Variants in ARHGEF9 observed in about 807,000 individuals in gnomAD.
ARHGEF9 encodes Cdc42 guanine nucleotide exchange factor 9.
A neutral mutation model predicts 41.3 loss-of-function variants in ARHGEF9; 2 were observed. The observed-to-expected ratio is 0.05, with a 90% CI of 0.02 to 0.15. The LOEUF is 0.15. Ranked by LOEUF, ARHGEF9 falls within the 10% of genes least tolerant of loss-of-function variation. The probability of loss-of-function intolerance (pLI) is 1.00; values close to 1 mark genes in which losing one functional copy is unlikely to be tolerated. For synonymous variants in ARHGEF9, 160 were observed against 154.4 expected (o/e 1.04, Z -0.27); for missense variants, 225 against 424.7 (o/e 0.53, Z 4.13).
In ARHGEF9 at chrX:63,638,212, A is replaced by G. The variant is rs1556301472; in HGVS notation, c.1391-3T>C. 6.0e-6 allele frequency: 7 copies of G among 1,172,981 alleles called. No homozygotes were observed. The East Asian group carries it at 2.2e-4, about 37-fold the overall frequency. On this transcript the variant is annotated splice_polypyrimidine_tract_variant and splice_region_variant and intron_variant, in intron 9 of 9. Coordinates refer to ENST00000671741, the MANE Select transcript of ARHGEF9 (RefSeq NM_001353921.2). The stretch of plus-strand genomic sequence containing the variant: ...AACTGAGCGGGCAGAGTTGACACCT[A>G]GAGTAGATGAGAGATCAAAGGGAAA...
At chrX:63,723,205 C>T (rs1252845024) in intron 2 of ARHGEF9, among the ~76,000 whole-genome samples, 1 of 111,144 alleles carries the variant, frequency 9.0e-6, no homozygotes, top group Non-Finnish European at 1.9e-5. Flanking sequence ...TGCTAGACAC[C>T]TTATTGGCAT....
chrX:63,749,263 G>A (rs1490445898), intron 1 of ARHGEF9, among the ~76,000 whole-genome samples: 3 of 110,769 alleles, frequency 2.7e-5, no homozygotes, highest in Non-Finnish European at 5.7e-5. Flanking sequence ...ACGGACTCTC[G>A]CTCTGTCACC....
At chrX:63,695,489 T>G (rs1420296034) in intron 4 of ARHGEF9, among the ~76,000 whole-genome samples, 1 of 111,497 alleles carries the variant, frequency 9.0e-6, no homozygotes, top group Non-Finnish European at 1.9e-5. Context: ...TCTGTGAGAG[T>G]TTCTCTGGAA....
intron 2 of ARHGEF9, chrX:63,719,968 A>C (rs1356649670): frequency 3.4e-5 from 9 of 267,281 alleles, no homozygotes; most frequent in Non-Finnish European, 5.3e-5. Context: ...GAAGCTAAAA[A>C]GGAAGTTTCT....
At position 63,698,022 on chromosome X, in the gene ARHGEF9, T is replaced by A. The variant is rs375047015; in HGVS notation, c.403-718A>T. On this transcript the variant is annotated intron_variant, in intron 3 of 9. Transcript: ENST00000671741. ...ATCTGAGGTAGCTGGCCAGGAGTGA[T>A]CATTTAGATGAGCTCAGCCAACAAG... 5.5e-5 allele frequency among the ~76,000 whole-genome samples: 6 copies of A among 109,120 alleles called. No individual in the cohort carries two copies. In the East Asian group the frequency reaches 1.4e-3, roughly 26 times the overall value. 94.8% of individuals were successfully genotyped at this position (109,120 alleles called of 115,157 possible).
At chrX:63,670,315 T>C (rs1331707987) in intron 6 of ARHGEF9, 14 of 111,756 alleles carry the variant, frequency 1.3e-4, no homozygotes, top group Admixed American at 1.1e-3. Context: ...CAAGCCACTT[T>C]AGCTTTTAAG....
chrX:63,731,753 G>T (rs1230944197), intron 1 of ARHGEF9, among the ~76,000 whole-genome samples: 2 of 109,997 alleles, frequency 1.8e-5, no homozygotes, highest in Non-Finnish European at 3.8e-5. Flanking sequence ...TAGAGACAGG[G>T]TTTCACCATG....
At chrX:63,703,971 G>A (rs2052363975) in intron 3 of ARHGEF9, among the ~76,000 whole-genome samples, 1 of 111,692 alleles carries the variant, frequency 9.0e-6, no homozygotes, top group African/African-American at 3.3e-5. Context: ...GGAAAAGCAA[G>A]AGGCCAGTAT....
At chrX:63,758,340 C>A (rs2055971792) in intron 1 of ARHGEF9, among the ~76,000 whole-genome samples, 1 of 111,291 alleles carries the variant, frequency 9.0e-6, no homozygotes, top group African/African-American at 3.3e-5. Flanking sequence ...CCCCTCCAGC[C>A]CTCCCACCAA....
intron 1 of ARHGEF9, chrX:63,755,456 A>C: frequency 3.6e-6 from 1 of 274,646 alleles, no homozygotes; most frequent in Non-Finnish European, 6.4e-6. Context: ...AAGGGACCCA[A>C]TAGGATGCAA....
At chrX:63,708,779 T>C (rs1334914022) in intron 2 of ARHGEF9, among the ~76,000 whole-genome samples, 69 of 112,225 alleles carry the variant, frequency 6.1e-4, no homozygotes, top group African/African-American at 2.2e-3. Flanking sequence ...TGCCAGGTAT[T>C]AGGGATACAA....
chrX:63,780,787 T>C (rs2056367992), intron 1 of ARHGEF9, among the ~76,000 whole-genome samples: 1 of 111,832 alleles, frequency 8.9e-6, no homozygotes, highest in South Asian at 3.7e-4. Context: ...CCCAGTTGCA[T>C]CGTTGGCCCC....
At position 63,665,872 on chromosome X, in the gene ARHGEF9, G is replaced by C; in HGVS notation, c.1077+14C>G. On this transcript the variant is annotated intron_variant, in intron 7 of 9. Coordinates refer to ENST00000671741, the MANE Select transcript of ARHGEF9 (RefSeq NM_001353921.2). ...GGTACCCATCTCCCTCAGGGAAGAA[G>C]GGGGCAGGGTTACCTTCTTGCAGAG... The C allele has an allele frequency of 8.3e-7, 1 of 1,209,669 alleles. No homozygotes were observed. The highest frequency in any genetic ancestry group is 1.1e-6 in the Non-Finnish European group (1 of 894,603).
At chrX:63,676,302 C>A (rs1269526238) in intron 5 of ARHGEF9, among the ~76,000 whole-genome samples, 3 of 112,287 alleles carry the variant, frequency 2.7e-5, no homozygotes, top group African/African-American at 9.7e-5. Flanking sequence ...TTATTCTGAG[C>A]CTCAGTGAAT....
intron 1 of ARHGEF9, among the ~76,000 whole-genome samples, chrX:63,784,305 C>A (rs1174131931): frequency 3.6e-5 from 4 of 112,566 alleles, no homozygotes; most frequent in Non-Finnish European, 7.5e-5. Context: ...AATGCAGCCA[C>A]CACTTCCTCT....
At chrX:63,784,128 G>A (rs1330787970) in intron 1 of ARHGEF9, among the ~76,000 whole-genome samples, 14 of 112,218 alleles carry the variant, frequency 1.2e-4, no homozygotes, top group Non-Finnish European at 2.1e-4. Context: ...GGGTGGCAGC[G>A]TAGAAGTGTG....
chrX:63,738,489 C>A (rs1403774545), intron 1 of ARHGEF9, among the ~76,000 whole-genome samples: 1 of 111,520 alleles, frequency 9.0e-6, no homozygotes, highest in Non-Finnish European at 1.9e-5. Context: ...GCCAGCTAAC[C>A]TTTTCCTATT....
At chrX:63,652,958 T>C in intron 8 of ARHGEF9, among the ~76,000 whole-genome samples, 1 of 111,373 alleles carries the variant, frequency 9.0e-6, no homozygotes, top group Non-Finnish European at 1.9e-5. Flanking sequence ...GATGCTTGCT[T>C]CCCCTTTGCC....
chrX:63,703,521 C>G (rs1459865665), intron 3 of ARHGEF9, among the ~76,000 whole-genome samples: 1 of 112,066 alleles, frequency 8.9e-6, no homozygotes, highest in Non-Finnish European at 1.9e-5. Flanking sequence ...ATGTACTTTG[C>G]CAATCAAAGC....
Sources: gnomAD v4.1 joint callset for allele counts (sites outside exome capture counted in the v4.1 genomes callset) on GRCh38, gnomAD v4.1.1 for gene constraint, MANE v1.5 for transcripts, NCBI Gene and HGNC (gene_info 2026-07-23, HGNC 2026-07-21) for gene names.